The following CUZD1 variants were observed in gnomAD, a reference collection of about 807,000 sequenced individuals.
CUZD1 encodes the protein CUB and zona pellucida like domains 1.
In CUZD1, 42 loss-of-function variants were observed where a neutral mutation model predicts 53.1. That is an observed-to-expected ratio of 0.79 (90% CI 0.62 to 1.02). The LOEUF (loss-of-function observed/expected upper bound fraction) is 1.02, where lower values mean the gene tolerates loss of function less well. CUZD1 is among the 50% of genes least tolerant of loss of function. The pLI, the probability that CUZD1 is intolerant of heterozygous loss-of-function variation, is 0.00. For synonymous variants in CUZD1, 238 were observed against 257.2 expected (o/e 0.93, Z 0.71); for missense variants, 670 against 715.7 (o/e 0.94, Z 0.73).
In CUZD1 at chr10:122,832,350, T is replaced by C; in HGVS notation, c.1752A>G (p.Val584=). 1 of 1,614,114 alleles carries C rather than the reference T, an allele frequency of 6.2e-7. No homozygotes were observed. The part of the protein sequence containing the change: ...FMVLALNVVT[V]ATITVRHFVN... ...CAAAATGCCTCACTGTGATTGTCGC[T>C]ACAGTCACCACATTCAGAGCTAGAA... is the stretch of plus-strand genomic sequence containing the variant. The change falls in exon 9 of 9, where the codon GTA becomes GTG. Residue 584 remains valine (V), a synonymous_variant. Coordinates refer to ENST00000392790, the MANE Select transcript of CUZD1 (RefSeq NM_022034.6).
chr10:122,840,234 T>C (rs1847318809), intron 2 of CUZD1, among the ~76,000 whole-genome samples: 1 of 152,222 alleles, frequency 6.6e-6, no homozygotes, highest in Non-Finnish European at 1.5e-5. Flanking sequence ...AAAAGTGTGG[T>C]ACTTGGACCT....
At chr10:122,836,394 A>G in intron 5 of CUZD1, 44 bp from the exon 6 acceptor site, 1 of 1,474,660 alleles carries the variant, frequency 6.8e-7, no homozygotes, top group Non-Finnish European at 9.0e-7. Flanking sequence ...TGTTTATGCC[A>G]GCTAGGAATG....
At position 122,837,176 on chromosome 10, in the gene CUZD1, C is replaced by T. The variant is rs113191926; in HGVS notation, c.600-128G>A. On this transcript the variant is annotated intron_variant, in intron 4 of 8. Transcript: ENST00000392790. ...TTCCTTCAATGGTATCTCAGGTTTACGAAGACAAACCTGGGGTTTTGATAG... is the reference window on the plus strand; with the variant it reads ...TTCCTTCAATGGTATCTCAGGTTTATGAAGACAAACCTGGGGTTTTGATAG... 3.0e-3 allele frequency: 2,615 copies of T among 869,492 alleles called. 50 individuals are homozygous for T. In the African/African-American group the frequency reaches 0.038, roughly 13 times the overall value. 53.9% of individuals were successfully genotyped at this position (869,492 alleles called of 1,614,324 possible). A position where few individuals can be genotyped will look rare whatever the true frequency, so the allele number is the denominator to read the frequency against.
chr10:122,841,995 GT>G (rs1475612603), intron 1 of CUZD1, among the ~76,000 whole-genome samples: 2 of 151,520 alleles, frequency 1.3e-5, no homozygotes, highest in African/African-American at 4.9e-5. Flanking sequence ...GGTTTTGAGA[GT>G]TTTTTATATA....
At chr10:122,832,839 C>T (rs1847180796) in intron 8 of CUZD1, among the ~76,000 whole-genome samples, 1 of 152,112 alleles carries the variant, frequency 6.6e-6, no homozygotes, top group South Asian at 2.1e-4. Context: ...ATACTTTTCT[C>T]ATATTGATGG....
intron 5 of CUZD1, 53 bp from the exon 6 acceptor site, chr10:122,836,403 T>C: frequency 6.9e-7 from 1 of 1,441,864 alleles, no homozygotes; most frequent in Non-Finnish European, 9.2e-7. Context: ...CAGCTAGGAA[T>C]GTTGGATCTT....
In CUZD1 at chr10:122,844,004, T is replaced by G. The variant is rs533074458; in HGVS notation, c.82+1758A>C. ...ATAGACTATAGAGAGACTATATATA[T>G]AGAGAGACTATATATAAATATATAT... On this transcript the variant is annotated intron_variant, in intron 1 of 8. Coordinates refer to ENST00000392790, the MANE Select transcript of CUZD1 (RefSeq NM_022034.6). 1.0e-3 allele frequency among the ~76,000 whole-genome samples: 150 copies of G among 148,242 alleles called. 1 individual carries two copies. Among genetic ancestry groups the G allele is most frequent in the Middle Eastern group, 3.6e-3 (1 of 278 alleles).
chr10:122,836,074 T>C lies in CUZD1; in HGVS notation c.990+104A>G, dbSNP rs1847245337. On this transcript the variant is annotated intron_variant, in intron 6 of 8. Coordinates refer to ENST00000392790, the MANE Select transcript of CUZD1 (RefSeq NM_022034.6). ...TTATCATGTGGTTAAGCCACTAAAA[T>C]TTGGGGGTCGTTTGTTACAGCAGCT... The C allele has an allele frequency of 4.7e-6, 5 of 1,057,944 alleles. No homozygotes were observed. The Admixed American group carries it at 1.3e-4, about 28-fold the overall frequency. The allele number at this position is 1,057,944 out of a possible 1,614,324, so 65.5% of individuals were successfully genotyped here. A position where few individuals can be genotyped will look rare whatever the true frequency, so the allele number is the denominator to read the frequency against.
intron 1 of CUZD1, among the ~76,000 whole-genome samples, chr10:122,843,306 T>G (rs1847373192): frequency 6.6e-6 from 1 of 152,226 alleles, no homozygotes; most frequent in South Asian, 2.1e-4. Context: ...AATGATTGGT[T>G]CCAGGACCCC....
chr10:122,841,240 G>A lies in CUZD1; in HGVS notation c.171C>T (p.Asn57=). Residue 57 remains asparagine, a synonymous_variant, in exon 2 of 9, where the codon AAC becomes AAT. Transcript: ENST00000392790. ...CTGGTCTTTCTATTGTCCAGGTGCA[G>A]TTCTCACTGGGATTGAGTTGCAGGA... ...AMILQLNPSE[N]CTWTIERPEN... 1 of 1,614,084 alleles carries A rather than the reference G, an allele frequency of 6.2e-7. No individual in the cohort carries two copies. The highest frequency in any genetic ancestry group is 8.5e-7 in the Non-Finnish European group (1 of 1,179,952).
At position 122,835,541 on chromosome 10, in the gene CUZD1, C is replaced by T. The variant is rs78522903; in HGVS notation, c.991-444G>A. Among the ~76,000 whole-genome samples, 106 of 152,200 alleles carry T rather than the reference C, an allele frequency of 7.0e-4. 1 individual carries two copies. In the East Asian group the frequency reaches 0.016, roughly 23 times the overall value. On this transcript the variant is annotated intron_variant, in intron 6 of 8. Coordinates refer to ENST00000392790, the MANE Select transcript of CUZD1 (RefSeq NM_022034.6). ...GGTTCACAGTGTAATAAAGACTGTG[C>T]GTTCATTTTTGGCAAGATACGATGA...
In CUZD1 at chr10:122,837,565, T is replaced by A. The variant is rs746608200; in HGVS notation, c.449-11A>T. The A allele has an allele frequency of 2.5e-5, 38 of 1,547,142 alleles. No individual in the cohort carries two copies. The highest frequency in any genetic ancestry group is 3.1e-5 in the Non-Finnish European group (36 of 1,152,604). On this transcript the variant is annotated splice_polypyrimidine_tract_variant and intron_variant, in intron 3 of 8. Coordinates refer to ENST00000392790, the MANE Select transcript of CUZD1 (RefSeq NM_022034.6). The stretch of plus-strand genomic sequence containing the variant: ...CACAGTTTGGAATAGCTGAAATGGA[T>A]GTGAAGGTGGTCAAGAATGAACATC...
In CUZD1 at chr10:122,841,281, T is replaced by A. The variant is rs752191102; in HGVS notation, c.130A>T (p.Thr44Ser). The A allele has an allele frequency of 1.3e-5, 21 of 1,613,846 alleles. No individual in the cohort carries two copies. The highest frequency in any genetic ancestry group is 1.8e-5 in the Non-Finnish European group (21 of 1,179,918). The change falls in exon 2 of 9, where the codon ACC becomes TCC. Residue 44 changes from threonine (T) to serine (S), a missense_variant. Thr to Ser is a moderately conservative substitution (Grantham distance 58). Transcript: ENST00000392790. ...VSLGGANMAE[T>S]HKAMILQLNP... is the part of the protein sequence containing the mutation. The stretch of plus-strand genomic sequence containing the variant: ...AGTTGCAGGATCATGGCTTTGTGGG[T>A]CTCTGCCATATTGGCACCCCCTAGA...
At chr10:122,844,866 A>C (rs1255515012) in intron 1 of CUZD1, among the ~76,000 whole-genome samples, 1 of 152,098 alleles carries the variant, frequency 6.6e-6, no homozygotes, top group Non-Finnish European at 1.5e-5. Context: ...TTATTCTCCC[A>C]TATACTCCCA....
In CUZD1 at chr10:122,837,003, A is replaced by G. The variant is rs751001597; in HGVS notation, c.645T>C (p.Tyr215=). 5 of 1,613,898 alleles carry G rather than the reference A, an allele frequency of 3.1e-6. No individual in the cohort carries two copies. The highest frequency in any genetic ancestry group is 4.2e-6 in the Non-Finnish European group (5 of 1,179,808). ...GGCCAGAGTTGGTGGAGGGGCCATC[A>G]TAGATGGCAAGAAAATCAAATTTGC... The part of the protein sequence containing the change: ...KQCKFDFLAI[Y]DGPSTNSGLI... Residue 215 remains tyrosine, a synonymous_variant, in exon 5 of 9, where the codon TAT becomes TAC. Transcript: ENST00000392790.
rs554574069 is a variant in CUZD1, at chr10:122,837,781, A to G, written c.449-227T>C. 4 of 421,402 alleles carry G rather than the reference A, an allele frequency of 9.5e-6. No homozygotes were observed. In the Admixed American group the frequency reaches 1.2e-4, roughly 13 times the overall value. 26.1% of individuals were successfully genotyped at this position (421,402 alleles called of 1,614,324 possible). ...TACTATTGCCAAACGAATCATATTA[A>G]AGTTGTGCTGTAACATGTGTTGCAT... is the stretch of plus-strand genomic sequence containing the variant. On this transcript the variant is annotated intron_variant, in intron 3 of 8. Coordinates refer to ENST00000392790, the MANE Select transcript of CUZD1 (RefSeq NM_022034.6).
chr10:122,842,943 G>A (rs991022150), intron 1 of CUZD1, among the ~76,000 whole-genome samples: 4 of 152,164 alleles, frequency 2.6e-5, no homozygotes, highest in Admixed American at 1.3e-4. Context: ...GATGGCTAGA[G>A]TCAAACACAG....
At chr10:122,835,136 T>G (rs77641396) in intron 6 of CUZD1, 39 bp from the exon 7 acceptor site, 1 of 1,465,590 alleles carries the variant, frequency 6.8e-7, no homozygotes, top group East Asian at 2.3e-5. Context: ...ATATTTTAAG[T>G]CCAGTAATAT....
chr10:122,839,477 C>T (rs1484872032), intron 2 of CUZD1, among the ~76,000 whole-genome samples: 9 of 152,192 alleles, frequency 5.9e-5, no homozygotes, highest in Admixed American at 2.6e-4. Context: ...GATGAGGATG[C>T]GCCTGGAATC....
Sources: gnomAD v4.1 joint callset for allele counts (sites outside exome capture counted in the v4.1 genomes callset) on GRCh38, gnomAD v4.1.1 for gene constraint, MANE v1.5 for transcripts, NCBI Gene and HGNC (gene_info 2026-07-23, HGNC 2026-07-21) for gene names.